Variants in SLC16A14 observed in about 807,000 individuals in gnomAD.
The protein encoded by SLC16A14 is monocarboxylate transporter 14.
A neutral mutation model predicts 35.8 loss-of-function variants in SLC16A14; 14 were observed. The observed-to-expected ratio is 0.39, with a 90% CI of 0.26 to 0.61. The LOEUF is 0.61. Among genes scored for constraint, SLC16A14 ranks in the 20% least tolerant of loss-of-function variants. SLC16A14 has a pLI of 0.51. For missense variants in SLC16A14, 533 were observed against 655.0 expected, an observed-to-expected ratio of 0.81 and a Z score of 2.03; for synonymous variants, 248 against 258.9, an observed-to-expected ratio of 0.96 and a Z score of 0.40.
Position 230,059,212 on chromosome 2 carries a change from G to A in SLC16A14, c.141C>T (p.Ile47=). The A allele has an allele frequency of 1.2e-6, 2 of 1,614,216 alleles. No individual in the cohort carries two copies. Among genetic ancestry groups the A allele is most frequent in the Admixed American group, 3.3e-5 (2 of 60,024 alleles). The change falls in exon 2 of 5, where the codon ATC becomes ATT. Residue 47 remains isoleucine (I), a synonymous_variant. Coordinates refer to ENST00000295190, the MANE Select transcript of SLC16A14 (RefSeq NM_152527.5). The part of the protein sequence containing the change: ...VLSSFFVHIL[I]MGSQMALGVL... Reference sequence around the variant, plus strand: ...CACCCAGGGCCATCTGGGAGCCCATGATGAGGATGTGCACAAAGAAAGAGG... The same window carrying A: ...CACCCAGGGCCATCTGGGAGCCCATAATGAGGATGTGCACAAAGAAAGAGG...
At position 230,046,611 on chromosome 2, in the gene SLC16A14, G is replaced by C. The variant is rs1227221435; in HGVS notation, c.515C>G (p.Thr172Arg). ...CTTCAGCAGCACAGTCATTAGGAAC[G>C]TACCGAATCCGGTCCCCGTGGTGCT... ...GLSTTGTGFG[T>R]FLMTVLLKYL... The change falls in exon 4 of 5, where the codon ACG becomes AGG. Residue 172 changes from threonine (T) to arginine (R), a missense_variant. By Grantham distance (71) the Thr-to-Arg change is moderately conservative (BLOSUM62 -1). Transcript: ENST00000295190. This position sits in a 1 kb window ranked among gnomAD's most constrained non-coding sequence, Gnocchi z 5.0. 1 of 1,613,128 alleles carries C rather than the reference G, an allele frequency of 6.2e-7. No individual in the cohort carries two copies. Among genetic ancestry groups the C allele is most frequent in the African/African-American group, 1.3e-5 (1 of 74,942 alleles).
At chr2:230,052,621 G>GAA (rs112841296) in intron 2 of SLC16A14, among the ~76,000 whole-genome samples, 3,116 of 148,744 alleles carry the variant, frequency 0.021, 104 homozygotes, top group African/African-American at 0.069. Context: ...AGGCGTTTGA[G>GAA]AAAAAAAAAA....
At chr2:230,044,704 T>TTGTGTGTGTGTGTG (rs751868776) in intron 4 of SLC16A14, among the ~76,000 whole-genome samples, 22 of 132,586 alleles carry the variant, frequency 1.7e-4, no homozygotes, top group African/African-American at 6.0e-4. Flanking sequence ...AAGTCTGTAT[T>TTGTGTGTGTGTGTG]TGTGTGTGTG....
Position 230,036,513 on chromosome 2 carries a change from C to G in SLC16A14, c.*867G>C, listed in dbSNP as rs1218139761. The G allele has an allele frequency of 1.3e-5, 2 of 152,108 alleles. No individual in the cohort carries two copies. Among genetic ancestry groups the G allele is most frequent in the Non-Finnish European group, 2.9e-5 (2 of 68,032 alleles). 9.4% of individuals were successfully genotyped at this position (152,108 alleles called of 1,614,324 possible). On this transcript the variant is annotated 3_prime_UTR_variant, in exon 5 of 5. Coordinates refer to ENST00000295190, the MANE Select transcript of SLC16A14 (RefSeq NM_152527.5). Reference sequence around the variant, plus strand: ...TTTATTTGTCAGTTAGCAATTAGTTCTATATTATATTTTTGGGCAGAAGAA... The same window carrying G: ...TTTATTTGTCAGTTAGCAATTAGTTGTATATTATATTTTTGGGCAGAAGAA...
At chr2:230,043,083 A>G (rs1255927011) in intron 4 of SLC16A14, among the ~76,000 whole-genome samples, 1 of 152,258 alleles carries the variant, frequency 6.6e-6, no homozygotes, top group African/African-American at 2.4e-5. Context: ...AGAATTTTAC[A>G]TAATGAGATC....
In SLC16A14 at chr2:230,037,088, G is replaced by T; in HGVS notation, c.*292C>A. 1 of 197,852 alleles carries T rather than the reference G, an allele frequency of 5.1e-6. No homozygotes were observed. Among genetic ancestry groups the T allele is most frequent in the Non-Finnish European group, 1.0e-5 (1 of 98,028 alleles). 12.3% of individuals were successfully genotyped at this position (197,852 alleles called of 1,614,324 possible). On this transcript the variant is annotated 3_prime_UTR_variant, in exon 5 of 5. Transcript: ENST00000295190. ...ATTTAAAACCCTAGTCCCAGTAGAT[G>T]ACAAGAGAATGGTTTTTATAAGGGC...
intron 4 of SLC16A14, among the ~76,000 whole-genome samples, chr2:230,042,941 G>T (rs2077572251): frequency 6.6e-6 from 1 of 152,152 alleles, no homozygotes; most frequent in Non-Finnish European, 1.5e-5. Context: ...TGAGGAAAGG[G>T]CCAAGAGGAT....
chr2:230,044,697 T>C (rs887698553), intron 4 of SLC16A14, among the ~76,000 whole-genome samples: 2 of 148,216 alleles, frequency 1.3e-5, no homozygotes, highest in Non-Finnish European at 3.0e-5. Flanking sequence ...AGATAATAAG[T>C]CTGTATTTGT....
At chr2:230,052,762 C>A (rs114592229) in intron 2 of SLC16A14, among the ~76,000 whole-genome samples, 1 of 152,064 alleles carries the variant, frequency 6.6e-6, no homozygotes, top group Admixed American at 6.6e-5. Context: ...AATCAACTCT[C>A]GCATGCTGGG....
Position 230,046,026 on chromosome 2 carries a change from T to C in SLC16A14, c.1100A>G (p.Lys367Arg). 6.2e-7 allele frequency: 1 copy of C among 1,614,064 alleles called. No individual in the cohort carries two copies. Among genetic ancestry groups the C allele is most frequent in the Non-Finnish European group, 8.5e-7 (1 of 1,179,870 alleles). ...SIIAIVHIFGKVILGVIADLP... is the reference protein window; with the variant it reads ...SIIAIVHIFGRVILGVIADLP... ...GTCGGCTATGACGCCCAGGATCACT[T>C]TTCCAAAGATGTGAACTATTGCTAT... The change falls in exon 4 of 5, where the codon AAA (lysine) becomes AGA (arginine). Residue 367 changes from lysine (K) to arginine (R), a missense_variant. Lys to Arg is a conservative substitution (Grantham distance 26, BLOSUM62 2). Transcript: ENST00000295190. This position sits in a 1 kb window ranked among gnomAD's most constrained non-coding sequence, Gnocchi z 5.0.
chr2:230,064,528 T>C (rs2077777350), intron 1 of SLC16A14, among the ~76,000 whole-genome samples: 1 of 152,136 alleles, frequency 6.6e-6, no homozygotes, highest in Non-Finnish European at 1.5e-5. Flanking sequence ...GTGTGCAGAA[T>C]CCTGAGGAGC....
chr2:230,039,737 A>G (rs755993396), intron 4 of SLC16A14, among the ~76,000 whole-genome samples: 3 of 152,250 alleles, frequency 2.0e-5, no homozygotes, highest in East Asian at 1.9e-4. Context: ...CGCTGTCCAC[A>G]TGATCAAGTG....
At position 230,043,845 on chromosome 2, in the gene SLC16A14, C is replaced by T. The variant is rs2077579215; in HGVS notation, c.1381+1900G>A. Among the ~76,000 whole-genome samples, 4 of 152,340 alleles carry T rather than the reference C, an allele frequency of 2.6e-5. No individual in the cohort carries two copies. In the South Asian group the frequency reaches 8.3e-4, roughly 32 times the overall value. ...TCTGCCCAAACCTGACTTGCCTTTCCACGAAGGCACTGGCCCAGACACAAG... is the reference window on the plus strand; with the variant it reads ...TCTGCCCAAACCTGACTTGCCTTTCTACGAAGGCACTGGCCCAGACACAAG... On this transcript the variant is annotated intron_variant, in intron 4 of 4. Coordinates refer to ENST00000295190, the MANE Select transcript of SLC16A14 (RefSeq NM_152527.5).
chr2:230,053,065 C>T (rs1474614929), intron 2 of SLC16A14, among the ~76,000 whole-genome samples: 1 of 152,096 alleles, frequency 6.6e-6, no homozygotes, highest in East Asian at 1.9e-4. Flanking sequence ...CCTCAGCCTC[C>T]TGAGTAGCTG....
At chr2:230,053,962 A>T (rs1337080884) in intron 2 of SLC16A14, among the ~76,000 whole-genome samples, 1 of 152,074 alleles carries the variant, frequency 6.6e-6, no homozygotes, top group Non-Finnish European at 1.5e-5. Context: ...GTAACCCCTC[A>T]CCATAGTAAA....
intron 2 of SLC16A14, among the ~76,000 whole-genome samples, chr2:230,054,849 C>G (rs1378581140): frequency 1.4e-4 from 21 of 149,958 alleles, no homozygotes; most frequent in Admixed American, 9.4e-4. Flanking sequence ...GAGCCGAGAT[C>G]GTGCCACTGC....
intron 2 of SLC16A14, among the ~76,000 whole-genome samples, chr2:230,058,778 A>T (rs1341141235): frequency 6.6e-6 from 1 of 152,132 alleles, no homozygotes; most frequent in Non-Finnish European, 1.5e-5. Context: ...GATTACAGGC[A>T]CATGCCACCA....
intron 2 of SLC16A14, among the ~76,000 whole-genome samples, chr2:230,057,618 A>C (rs13415785): frequency 0.48 from 72,940 of 151,918 alleles, 18,162 homozygotes; most frequent in African/African-American, 0.57. Context: ...AAAAAAAAAG[A>C]AAATACAAGA....
chr2:230,051,996 G>A (rs1037203116), intron 2 of SLC16A14, among the ~76,000 whole-genome samples: 2 of 151,136 alleles, frequency 1.3e-5, no homozygotes, highest in African/African-American at 4.9e-5. Flanking sequence ...GAGTGCAGTG[G>A]CGCGATCTCG....
Sources: gnomAD v4.1 joint callset for allele counts (sites outside exome capture counted in the v4.1 genomes callset) on GRCh38, gnomAD v4.1.1 for gene constraint, Gnocchi (gnomAD v3.1) non-coding constraint, MANE v1.5 for transcripts, NCBI Gene and HGNC (gene_info 2026-07-23, HGNC 2026-07-21) for gene names.